ADCY8: variants seen among roughly 807,000 people sequenced by gnomAD.
The protein encoded by ADCY8 is adenylate cyclase type 8.
A neutral mutation model predicts 119.7 loss-of-function variants in ADCY8; 51 were observed. That is an observed-to-expected ratio of 0.43 (90% CI 0.34 to 0.54). The LOEUF (loss-of-function observed/expected upper bound fraction) is 0.54, where lower values mean the gene tolerates loss of function less well. ADCY8 is among the 20% of genes least tolerant of loss of function. The probability of loss-of-function intolerance (pLI) is 0.03; values close to 1 mark genes in which losing one functional copy is unlikely to be tolerated. For synonymous variants in ADCY8, 665 were observed against 651.0 expected (o/e 1.02, Z -0.33); for missense variants, 1,383 against 1,598.8 (o/e 0.87, Z 2.30).
intron 1 of ADCY8, among the ~76,000 whole-genome samples, chr8:131,028,780 C>T (rs1303728178): frequency 6.6e-6 from 1 of 152,144 alleles, no homozygotes; most frequent in Non-Finnish European, 1.5e-5. Flanking sequence ...GGAAAGTCAA[C>T]CTGCTTTGTC....
intron 1 of ADCY8, among the ~76,000 whole-genome samples, chr8:131,022,524 G>T (rs935950081): frequency 6.6e-6 from 1 of 152,148 alleles, no homozygotes; most frequent in Non-Finnish European, 1.5e-5. Context: ...GTCTATCATT[G>T]ATGGGCATTT....
intron 5 of ADCY8, among the ~76,000 whole-genome samples, chr8:130,923,203 G>C (rs1820366790): frequency 6.6e-6 from 1 of 151,760 alleles, no homozygotes; most frequent in Non-Finnish European, 1.5e-5. Context: ...TAAAGAAAGG[G>C]AAAGAGAGAG....
chr8:130,782,019 A>G (rs930300510), intron 17 of ADCY8, among the ~76,000 whole-genome samples: 1 of 152,232 alleles, frequency 6.6e-6, no homozygotes, highest in Non-Finnish European at 1.5e-5. Context: ...TATAATATTA[A>G]TGAATGATTA....
chr8:130,854,803 G>GTACC (rs1817654840), intron 9 of ADCY8, among the ~76,000 whole-genome samples: 1 of 106,468 alleles, frequency 9.4e-6, no homozygotes, highest in Non-Finnish European at 1.8e-5. Flanking sequence ...CTTTCCCTCC[G>GTACC]TCCCTCCCTC....
At chr8:130,827,030 A>G (rs1248880028) in intron 12 of ADCY8, among the ~76,000 whole-genome samples, 4 of 152,276 alleles carry the variant, frequency 2.6e-5, no homozygotes, top group East Asian at 3.9e-4. Flanking sequence ...AAACCTGCAC[A>G]TTGTGCACAT....
chr8:130,925,620 A>C (rs1820442991), intron 5 of ADCY8, among the ~76,000 whole-genome samples: 1 of 152,126 alleles, frequency 6.6e-6, no homozygotes, highest in African/African-American at 2.4e-5. Context: ...TACAATAGGC[A>C]CTCTTTCAGG....
intron 1 of ADCY8, among the ~76,000 whole-genome samples, chr8:131,026,266 A>G (rs1823820268): frequency 6.6e-6 from 1 of 152,202 alleles, no homozygotes; most frequent in Admixed American, 6.5e-5. Flanking sequence ...TCATCCTGCA[A>G]GGACACAGTC....
chr8:130,825,586 C>T (rs543410770), intron 12 of ADCY8, among the ~76,000 whole-genome samples: 1 of 152,196 alleles, frequency 6.6e-6, no homozygotes, highest in Non-Finnish European at 1.5e-5. Context: ...CATCATAAAC[C>T]TGGAAAAGTT....
At chr8:131,025,491 G>A (rs1284078480) in intron 1 of ADCY8, among the ~76,000 whole-genome samples, 2 of 152,152 alleles carry the variant, frequency 1.3e-5, no homozygotes, top group African/African-American at 4.8e-5. Context: ...TACTCAACAA[G>A]CTTCTGATAT....
At chr8:130,961,077 C>G (rs1203692481) in intron 2 of ADCY8, among the ~76,000 whole-genome samples, 1 of 152,112 alleles carries the variant, frequency 6.6e-6, no homozygotes, top group Non-Finnish European at 1.5e-5. Context: ...ACAAAGGAGG[C>G]CTTTTACTTC....
intron 15 of ADCY8, among the ~76,000 whole-genome samples, chr8:130,786,804 A>G (rs1158755584): frequency 1.3e-5 from 2 of 152,162 alleles, no homozygotes; most frequent in Admixed American, 1.3e-4. Context: ...ATTTTGATCT[A>G]ATCTGAAGGA....
At chr8:130,906,962 C>T (rs1348811126) in intron 6 of ADCY8, among the ~76,000 whole-genome samples, 1 of 151,900 alleles carries the variant, frequency 6.6e-6, no homozygotes, top group African/African-American at 2.4e-5. Flanking sequence ...GGCCCCAAAT[C>T]ATATTAGTGG....
chr8:130,821,310 A>G (rs372263958), intron 13 of ADCY8, 32 bp downstream of exon 13: 81 of 1,584,714 alleles, frequency 5.1e-5, no homozygotes, highest in Non-Finnish European at 6.5e-5. Context: ...AATGTCAGGT[A>G]ACAGAGCAGT....
chr8:130,971,806 T>C (rs1233514266), intron 2 of ADCY8, among the ~76,000 whole-genome samples: 2 of 152,164 alleles, frequency 1.3e-5, no homozygotes, highest in East Asian at 3.9e-4. Flanking sequence ...GCAATGATGA[T>C]ATGACAAAGA....
Position 130,903,882 on chromosome 8 carries a change from T to C in ADCY8, c.1801A>G (p.Ile601Val), listed in dbSNP as rs760758408. Residue 601 changes from isoleucine to valine, a missense_variant, in exon 7 of 18, where the codon ATC becomes GTC. Physicochemically the swap from Ile to Val is conservative, Grantham distance 29. This residue lies in a region of ADCY8 where 928 missense variants were observed against 1,163.5 expected (regional missense o/e 0.80). Coordinates refer to ENST00000286355, the MANE Select transcript of ADCY8 (RefSeq NM_001115.3). ...EDSLLSLPED[I>V]VKESVSSSDR... ...GAGGAGCTCACTGACTCCTTGACGATATCTTCAGGCAAGGACAGCAGACTG... is the reference window on the plus strand; with the variant it reads ...GAGGAGCTCACTGACTCCTTGACGACATCTTCAGGCAAGGACAGCAGACTG... 4.3e-6 allele frequency: 7 copies of C among 1,613,990 alleles called. No individual in the cohort carries two copies. The Admixed American group carries it at 1.0e-4, about 23-fold the overall frequency.
At chr8:130,841,333 A>G (rs999061898) in intron 11 of ADCY8, among the ~76,000 whole-genome samples, 3 of 152,182 alleles carry the variant, frequency 2.0e-5, no homozygotes, top group South Asian at 4.1e-4. Context: ...CTTCTTCTGA[A>G]TATACAAGGT....
At chr8:130,971,259 T>A (rs1821914554) in intron 2 of ADCY8, among the ~76,000 whole-genome samples, 1 of 152,220 alleles carries the variant, frequency 6.6e-6, no homozygotes, top group South Asian at 2.1e-4. Flanking sequence ...GTACTCTTGC[T>A]TAGATTATTT....
Position 130,958,552 on chromosome 8 carries a change from T to C in ADCY8, c.1111-6554A>G, listed in dbSNP as rs560226336. Among the ~76,000 whole-genome samples the C allele has an allele frequency of 5.9e-5, 9 of 152,230 alleles. No homozygotes were observed. In the East Asian group the frequency reaches 1.7e-3, roughly 29 times the overall value. ...TCCACATGGCTGGGAGCTCTCACAATCACGGCAGAAGACAAAGGAAGAGCA... is the reference window on the plus strand; with the variant it reads ...TCCACATGGCTGGGAGCTCTCACAACCACGGCAGAAGACAAAGGAAGAGCA... On this transcript the variant is annotated intron_variant, in intron 2 of 17. Coordinates refer to ENST00000286355, the MANE Select transcript of ADCY8 (RefSeq NM_001115.3).
chr8:131,013,469 T>G (rs568063329), intron 1 of ADCY8, among the ~76,000 whole-genome samples: 1 of 152,172 alleles, frequency 6.6e-6, no homozygotes, highest in East Asian at 1.9e-4. Context: ...AAAACCGATA[T>G]AGAGTTCTTC....
Sources: allele counts gnomAD v4.1 joint callset (sites outside exome capture counted in the v4.1 genomes callset), GRCh38; gene constraint gnomAD v4.1.1; regional missense constraint gnomAD v4.1.1; transcripts MANE v1.5; gene names NCBI Gene and HGNC (gene_info 2026-07-23, HGNC 2026-07-21).